Variants in ASAP1 observed in about 807,000 individuals in gnomAD.
ASAP1 encodes arf-GAP with SH3 domain, ANK repeat and PH domain-containing protein 1.
Under a neutral mutation model 145.2 loss-of-function variants are expected in ASAP1, and 43 were observed. The observed-to-expected ratio is 0.30, with a 90% CI of 0.23 to 0.38. The LOEUF is 0.38. ASAP1 is among the 10% of genes least tolerant of loss of function. The pLI is 1.00. For missense variants in ASAP1, 1,018 were observed against 1,355.3 expected (o/e 0.75, Z 3.91); for synonymous variants, 546 against 515.5 (o/e 1.06, Z -0.80).
chr8:130,350,460 T>C (rs1238985079), intron 3 of ASAP1, among the ~76,000 whole-genome samples: 1 of 152,210 alleles, frequency 6.6e-6, no homozygotes, highest in Non-Finnish European at 1.5e-5. Context: ...AAAGCCCTTC[T>C]AGGAAGCCAA....
At chr8:130,192,425 CT>C (rs1465502188) in intron 5 of ASAP1, among the ~76,000 whole-genome samples, 1 of 152,162 alleles carries the variant, frequency 6.6e-6, no homozygotes, top group Non-Finnish European at 1.5e-5. Context: ...GCAACACTAA[CT>C]GGGTCTGAGA....
intron 3 of ASAP1, among the ~76,000 whole-genome samples, chr8:130,326,032 G>A (rs1269359337): frequency 4.6e-5 from 7 of 152,282 alleles, no homozygotes; most frequent in Middle Eastern, 3.4e-3. Context: ...CTGCCATGGC[G>A]GAGCTGGCTT....
chr8:130,134,095 G>T (rs1330540962), intron 15 of ASAP1, among the ~76,000 whole-genome samples: 1 of 152,190 alleles, frequency 6.6e-6, no homozygotes, highest in Non-Finnish European at 1.5e-5. Flanking sequence ...TCTTGCAGGA[G>T]GTACCAGAGC....
intron 3 of ASAP1, among the ~76,000 whole-genome samples, chr8:130,350,909 A>G (rs1163147325): frequency 6.6e-6 from 1 of 152,216 alleles, no homozygotes; most frequent in Non-Finnish European, 1.5e-5. Flanking sequence ...TCATAGGCAA[A>G]TCAGGTTGGG....
intron 3 of ASAP1, among the ~76,000 whole-genome samples, chr8:130,327,700 TC>T (rs898934519): frequency 1.3e-5 from 2 of 152,160 alleles, no homozygotes; most frequent in African/African-American, 4.8e-5. Flanking sequence ...CTTGGAAATG[TC>T]CAGAATAAGC....
chr8:130,376,915 A>G (rs954660012), intron 2 of ASAP1, among the ~76,000 whole-genome samples: 2 of 149,490 alleles, frequency 1.3e-5, no homozygotes, highest in African/African-American at 4.9e-5. Flanking sequence ...AAAAAAAAAA[A>G]AAAAAAAAAA....
chr8:130,209,197 C>T (rs1222822078), intron 5 of ASAP1, among the ~76,000 whole-genome samples: 1 of 152,180 alleles, frequency 6.6e-6, no homozygotes, highest in Non-Finnish European at 1.5e-5. Flanking sequence ...TTGATCCCTA[C>T]ACAACCAATA....
intron 3 of ASAP1, among the ~76,000 whole-genome samples, chr8:130,347,530 G>C (rs1379335928): frequency 1.3e-5 from 2 of 152,228 alleles, no homozygotes; most frequent in East Asian, 1.9e-4. Flanking sequence ...ACTGAATCTA[G>C]TCCCAGCTTT....
intron 2 of ASAP1, among the ~76,000 whole-genome samples, chr8:130,394,202 T>TA (rs1828416049): frequency 6.6e-6 from 1 of 152,226 alleles, no homozygotes; most frequent in Non-Finnish European, 1.5e-5. Flanking sequence ...AACAGAGCCA[T>TA]ATTTCTCTTC....
intron 3 of ASAP1, among the ~76,000 whole-genome samples, chr8:130,297,158 C>T (rs545554774): frequency 6.6e-6 from 1 of 152,244 alleles, no homozygotes; most frequent in Admixed American, 6.5e-5. Flanking sequence ...ATGGGCCAGG[C>T]GCTGCACTGG....
In ASAP1 at chr8:130,425,072, T is replaced by C. The variant is rs1004304021; in HGVS notation, c.-28+18388A>G. ...CAGGCCGGGCGCAATGGCTTATCCC[T>C]GTAATCCCAACACTTTGAGAGGCCG... On this transcript the variant is annotated intron_variant, in intron 1 of 29. Transcript: ENST00000518721. Among the ~76,000 whole-genome samples the C allele has an allele frequency of 4.6e-5, 7 of 152,204 alleles. No individual in the cohort carries two copies. In the East Asian group the frequency reaches 1.4e-3, roughly 29 times the overall value.
At chr8:130,147,251 A>G (rs1586439830) in intron 13 of ASAP1, among the ~76,000 whole-genome samples, 1 of 151,998 alleles carries the variant, frequency 6.6e-6, no homozygotes, top group Admixed American at 6.6e-5. Flanking sequence ...CCACAGTTTA[A>G]AATGGGGATA....
At chr8:130,317,839 A>C (rs1823759162) in intron 3 of ASAP1, among the ~76,000 whole-genome samples, 1 of 152,206 alleles carries the variant, frequency 6.6e-6, no homozygotes, top group South Asian at 2.1e-4. Context: ...CAAACAACTA[A>C]TGAGCTGAGA....
intron 3 of ASAP1, among the ~76,000 whole-genome samples, chr8:130,286,773 T>C (rs1239933477): frequency 1.3e-5 from 2 of 152,232 alleles, no homozygotes; most frequent in East Asian, 3.8e-4. Flanking sequence ...AGTGTGCAAC[T>C]GCCCAAACGA....
intron 4 of ASAP1, among the ~76,000 whole-genome samples, chr8:130,228,176 TCA>T (rs2136573099): frequency 6.6e-6 from 1 of 152,208 alleles, no homozygotes; most frequent in Admixed American, 6.5e-5. Context: ...TAAGAAATAC[TCA>T]GTTACTTCCT....
chr8:130,363,736 A>G (rs922425112), intron 2 of ASAP1, among the ~76,000 whole-genome samples: 2 of 152,296 alleles, frequency 1.3e-5, no homozygotes, highest in East Asian at 3.9e-4. Flanking sequence ...CTCTAAATCC[A>G]ATGCTTTTTC....
chr8:130,381,765 C>T (rs925991887), intron 2 of ASAP1, among the ~76,000 whole-genome samples: 16 of 152,156 alleles, frequency 1.1e-4, no homozygotes, highest in African/African-American at 3.9e-4. Context: ...TCACTACAGC[C>T]CTGCTTTTTG....
At chr8:130,189,579 G>GT (rs1380067680) in intron 5 of ASAP1, among the ~76,000 whole-genome samples, 1 of 152,046 alleles carries the variant, frequency 6.6e-6, no homozygotes, top group African/African-American at 2.4e-5. Flanking sequence ...GGTTGATTCC[G>GT]TATCTTGGCT....
intron 3 of ASAP1, among the ~76,000 whole-genome samples, chr8:130,357,767 G>T (rs968039725): frequency 6.6e-6 from 1 of 152,196 alleles, no homozygotes; most frequent in Non-Finnish European, 1.5e-5. Flanking sequence ...TGTCCTCCCT[G>T]GAGTGTCCAC....
Sources: gnomAD v4.1 joint callset for allele counts (sites outside exome capture counted in the v4.1 genomes callset) on GRCh38, gnomAD v4.1.1 for gene constraint, MANE v1.5 for transcripts, NCBI Gene and HGNC (gene_info 2026-07-23, HGNC 2026-07-21) for gene names.